OPCML: variants seen among roughly 807,000 people sequenced by gnomAD.
The protein encoded by OPCML is opioid-binding protein/cell adhesion molecule.
In OPCML, 13 loss-of-function variants were observed where a neutral mutation model predicts 37.8. The ratio of observed to expected loss-of-function variants is 0.34; its 90% CI spans 0.22 to 0.55. The LOEUF is 0.55. Among genes scored for constraint, OPCML ranks in the 20% least tolerant of loss-of-function variants. OPCML has a pLI of 0.91. For missense variants in OPCML, 341 were observed against 435.6 expected (o/e 0.78, Z 1.93); for synonymous variants, 176 against 168.8 (o/e 1.04, Z -0.33).
At chr11:132,865,309 A>C (rs530545028) in intron 2 of OPCML, among the ~76,000 whole-genome samples, 1 of 152,360 alleles carries the variant, frequency 6.6e-6, no homozygotes, top group Admixed American at 6.5e-5. Flanking sequence ...TCAATTCAAA[A>C]GGAGTATATT....
intron 2 of OPCML, among the ~76,000 whole-genome samples, chr11:132,801,749 C>G (rs985177327): frequency 6.6e-6 from 1 of 152,126 alleles, no homozygotes; most frequent in Non-Finnish European, 1.5e-5. Flanking sequence ...CAGGTTAAGT[C>G]TCAGTCTATT....
At chr11:133,428,139 T>C (rs917623344) in intron 1 of OPCML, among the ~76,000 whole-genome samples, 6 of 152,202 alleles carry the variant, frequency 3.9e-5, no homozygotes, top group Admixed American at 2.0e-4. Flanking sequence ...TAGTTTAGTA[T>C]TGGAAAATCT....
intron 1 of OPCML, among the ~76,000 whole-genome samples, chr11:133,018,639 G>A (rs1039360959): frequency 1.3e-5 from 2 of 152,160 alleles, no homozygotes; most frequent in South Asian, 2.1e-4. Flanking sequence ...TCCATTGTGC[G>A]GTTGCTGGTT....
At chr11:133,282,628 G>A (rs1942189471) in intron 1 of OPCML, among the ~76,000 whole-genome samples, 1 of 152,180 alleles carries the variant, frequency 6.6e-6, no homozygotes. Context: ...TGGAGTTGTG[G>A]GAAGAGGGCC....
chr11:132,828,253 G>A (rs11223229), intron 2 of OPCML, among the ~76,000 whole-genome samples: 31,448 of 151,946 alleles, frequency 0.21, 4,066 homozygotes, highest in Non-Finnish European at 0.31. Context: ...GAAGGGATGA[G>A]CGCGTGGAAC....
At position 132,601,257 on chromosome 11, in the gene OPCML, A is replaced by G. The variant is rs566081866; in HGVS notation, c.379+55830T>C. ...CTGGTCTGCCCCTCAGCCTCCTCCT[A>G]GACCTATCCCTGCCTCCCAGAGCTC... is the stretch of plus-strand genomic sequence containing the variant. On this transcript the variant is annotated intron_variant, in intron 3 of 7. Transcript: ENST00000524381. 1.9e-3 allele frequency among the ~76,000 whole-genome samples: 283 copies of G among 152,100 alleles called. 2 individuals are homozygous for G. Among genetic ancestry groups the G allele is most frequent in the South Asian group, 5.8e-3 (28 of 4,800 alleles).
intron 2 of OPCML, among the ~76,000 whole-genome samples, chr11:132,684,624 C>T (rs1181688209): frequency 6.6e-6 from 1 of 152,086 alleles, no homozygotes; most frequent in Non-Finnish European, 1.5e-5. Context: ...AATTATAAAA[C>T]CAATGGATTC....
chr11:133,331,913 G>T (rs1413103198), intron 1 of OPCML, among the ~76,000 whole-genome samples: 2 of 151,924 alleles, frequency 1.3e-5, no homozygotes, highest in African/African-American at 4.8e-5. Flanking sequence ...TTGGCTATTT[G>T]GGCTCTTTTT....
Position 132,706,987 on chromosome 11 carries a change from G to A in OPCML, c.147-49668C>T, listed in dbSNP as rs112094765. Among the ~76,000 whole-genome samples, 69 of 152,300 alleles carry A rather than the reference G, an allele frequency of 4.5e-4. 1 individual carries two copies. The highest frequency in any genetic ancestry group is 7.7e-4 in the East Asian group (4 of 5,186). ...TTGTCTAAACGTCGCCAAGATGGCC[G>A]CCTTTCAATTAACCTTCTGGGGATG... On this transcript the variant is annotated intron_variant, in intron 2 of 7. Transcript: ENST00000524381.
chr11:132,981,733 G>A (rs915783349), intron 1 of OPCML, among the ~76,000 whole-genome samples: 3 of 152,126 alleles, frequency 2.0e-5, no homozygotes, highest in South Asian at 2.1e-4. Flanking sequence ...AGGGTTAAAC[G>A]TAAAAATCAA....
chr11:132,506,105 A>G (rs1476088043), intron 4 of OPCML, among the ~76,000 whole-genome samples: 1 of 152,206 alleles, frequency 6.6e-6, no homozygotes, highest in Non-Finnish European at 1.5e-5. Flanking sequence ...AATGCCAAAT[A>G]TAATGAAGGG....
intron 3 of OPCML, among the ~76,000 whole-genome samples, chr11:132,647,692 G>A (rs1941224929): frequency 6.6e-6 from 1 of 152,140 alleles, no homozygotes. Context: ...GGAGGAGGAG[G>A]AAGAGGAGGG....
chr11:133,058,650 A>T (rs1948284668), intron 1 of OPCML, among the ~76,000 whole-genome samples: 1 of 152,118 alleles, frequency 6.6e-6, no homozygotes, highest in Non-Finnish European at 1.5e-5. Context: ...ACGCTGGCTA[A>T]ATCAGGTAGT....
At chr11:133,292,785 A>T (rs958198009) in intron 1 of OPCML, among the ~76,000 whole-genome samples, 1 of 152,152 alleles carries the variant, frequency 6.6e-6, no homozygotes, top group Non-Finnish European at 1.5e-5. Context: ...AGCTGCAGAG[A>T]GTTATATAAG....
chr11:132,862,735 C>T (rs567230159), intron 2 of OPCML, among the ~76,000 whole-genome samples: 5 of 152,260 alleles, frequency 3.3e-5, no homozygotes, highest in South Asian at 2.1e-4. Context: ...TCCTGGTCTG[C>T]GCTAGCCTTC....
chr11:132,962,664 C>A (rs1225986871), intron 1 of OPCML, among the ~76,000 whole-genome samples: 1 of 152,210 alleles, frequency 6.6e-6, no homozygotes. Flanking sequence ...ATGTTTCCCA[C>A]CGACCCCAGC....
chr11:133,284,524 G>A (rs1432166358), intron 1 of OPCML, among the ~76,000 whole-genome samples: 1 of 152,180 alleles, frequency 6.6e-6, no homozygotes, highest in Admixed American at 6.5e-5. Context: ...AGACAGAGAT[G>A]GGAAGGGAAG....
chr11:132,464,785 A>C (rs1202297877), intron 4 of OPCML, among the ~76,000 whole-genome samples: 1 of 152,148 alleles, frequency 6.6e-6, no homozygotes, highest in Non-Finnish European at 1.5e-5. Flanking sequence ...TCACACAATT[A>C]AAAAATGAGT....
chr11:133,283,519 G>C (rs1207686841), intron 1 of OPCML, among the ~76,000 whole-genome samples: 2 of 152,076 alleles, frequency 1.3e-5, no homozygotes, highest in Non-Finnish European at 2.9e-5. Context: ...AAAGCCTGCA[G>C]AACTAGGGAC....
Sources: gnomAD v4.1 joint callset for allele counts (sites outside exome capture counted in the v4.1 genomes callset) on GRCh38, gnomAD v4.1.1 for gene constraint, MANE v1.5 for transcripts, NCBI Gene and HGNC (gene_info 2026-07-23, HGNC 2026-07-21) for gene names.